Variants in FBXO47 observed in about 807,000 individuals in gnomAD.
FBXO47 encodes the protein F-box only protein 47.
In FBXO47, 34 loss-of-function variants were observed where a neutral mutation model predicts 53.9. The ratio of observed to expected loss-of-function variants is 0.63; its 90% CI spans 0.48 to 0.84. The LOEUF is 0.84. FBXO47 is among the 40% of genes least tolerant of loss of function. The pLI is 0.00. For missense variants in FBXO47, 485 were observed against 541.3 expected (o/e 0.90, Z 1.03); for synonymous variants, 165 against 181.6 (o/e 0.91, Z 0.73).
In FBXO47 at chr17:38,942,773, C is replaced by T; in HGVS notation, c.1083+5G>A. On this transcript the variant is annotated splice_donor_5th_base_variant and intron_variant, in intron 9 of 10. Coordinates refer to ENST00000378079, the MANE Select transcript of FBXO47 (RefSeq NM_001008777.3). ...CTTGCTAGAGAAAAACTTATTTTTACTTACCAAAGCCAAAAAGACTACGAG... is the reference window on the plus strand; with the variant it reads ...CTTGCTAGAGAAAAACTTATTTTTATTTACCAAAGCCAAAAAGACTACGAG... The T allele has an allele frequency of 1.2e-6, 2 of 1,600,276 alleles. No individual in the cohort carries two copies. The highest frequency in any genetic ancestry group is 2.3e-5 in the South Asian group (2 of 88,268).
At chr17:38,957,918 C>T (rs1189508056) in intron 3 of FBXO47, among the ~76,000 whole-genome samples, 1 of 152,028 alleles carries the variant, frequency 6.6e-6, no homozygotes, top group African/African-American at 2.4e-5. Flanking sequence ...ACTGCAACCT[C>T]CACCTCCCAG....
At chr17:38,950,237 C>T (rs2143930951) in intron 6 of FBXO47, among the ~76,000 whole-genome samples, 1 of 152,028 alleles carries the variant, frequency 6.6e-6, no homozygotes, top group African/African-American at 2.4e-5. Context: ...TGAATTTGCC[C>T]GTTCTAGGTA....
At chr17:38,946,833 AAT>A (rs375802551) in intron 6 of FBXO47, among the ~76,000 whole-genome samples, 5 of 108,024 alleles carry the variant, frequency 4.6e-5, no homozygotes, top group Non-Finnish European at 5.1e-5. Flanking sequence ...TAAATATATA[AAT>A]ATATATAAAC....
At chr17:38,957,371 GAT>G (rs1354074850) in intron 3 of FBXO47, 118 bp from the exon 4 acceptor site, 5 of 640,460 alleles carry the variant, frequency 7.8e-6, no homozygotes, top group Non-Finnish European at 1.1e-5. Context: ...ACTATGAGTT[GAT>G]ATGATTTCTA....
chr17:38,948,789 T>A (rs1324621448), intron 6 of FBXO47, among the ~76,000 whole-genome samples: 5 of 152,096 alleles, frequency 3.3e-5, no homozygotes, highest in Non-Finnish European at 7.3e-5. Flanking sequence ...AGTTCTGGGA[T>A]ACATGGGCAG....
rs139105548 is a variant in FBXO47 at position 38,952,815 on chromosome 17, C to CTTTTTTTTTTTTTTTTTTTTTTTTT, written c.508-1127_508-1126insAAAAAAAAAAAAAAAAAAAAAAAAA. Among the ~76,000 whole-genome samples, 3 of 115,350 alleles carry CTTTTTTTTTTTTTTTTTTTTTTTTT rather than the reference C, an allele frequency of 2.6e-5. No individual in the cohort carries two copies. The East Asian group carries it at 8.5e-4, about 33-fold the overall frequency. 75.7% of individuals were successfully genotyped at this position (115,350 alleles called of 152,430 possible). A position where few individuals can be genotyped will look rare whatever the true frequency, so the allele number is the denominator to read the frequency against. On this transcript the variant is annotated intron_variant, in intron 5 of 10. Coordinates refer to ENST00000378079, the MANE Select transcript of FBXO47 (RefSeq NM_001008777.3). ...GACAATTCTGAGCATTTATTTATGA[C>CTTTTTTTTTTTTTTTTTTTTTTTTT]TTTTTTTTTTTTTTTTTTTGTAGAG...
Position 38,963,044 on chromosome 17 carries a change from A to G in FBXO47, c.-19T>C, listed in dbSNP as rs368385279. 9 of 1,585,050 alleles carry G rather than the reference A, an allele frequency of 5.7e-6. No homozygotes were observed. Among genetic ancestry groups the G allele is most frequent in the African/African-American group, 2.7e-5 (2 of 73,952 alleles). On this transcript the variant is annotated 5_prime_UTR_variant, in exon 2 of 11. Coordinates refer to ENST00000378079, the MANE Select transcript of FBXO47 (RefSeq NM_001008777.3). Reference sequence around the variant, plus strand: ...ATGCCATTCTTCTTCTTGTCTCACAAATTTATCCTGGTCAGAAAAACAAAG... The same window carrying G: ...ATGCCATTCTTCTTCTTGTCTCACAGATTTATCCTGGTCAGAAAAACAAAG...
chr17:38,960,624 C>A (rs961976604), intron 3 of FBXO47, among the ~76,000 whole-genome samples: 2 of 147,088 alleles, frequency 1.4e-5, no homozygotes, highest in Non-Finnish European at 3.0e-5. Flanking sequence ...AAAAATAATT[C>A]TTTCTCTTTT....
rs139105548 is a variant in FBXO47 at position 38,952,815 on chromosome 17, C to CTTTTTTTTTTTTTTTTTT, written c.508-1144_508-1127dup. ...GACAATTCTGAGCATTTATTTATGA[C>CTTTTTTTTTTTTTTTTTT]TTTTTTTTTTTTTTTTTTTGTAGAG... On this transcript the variant is annotated intron_variant, in intron 5 of 10. Transcript: ENST00000378079. Among the ~76,000 whole-genome samples, 8 of 115,354 alleles carry CTTTTTTTTTTTTTTTTTT rather than the reference C, an allele frequency of 6.9e-5. No individual in the cohort carries two copies. The East Asian group carries it at 1.7e-3, about 24-fold the overall frequency. The allele number at this position is 115,354 out of a possible 152,430, so 75.7% of individuals were successfully genotyped here. A position where few individuals can be genotyped will look rare whatever the true frequency, so the allele number is the denominator to read the frequency against.
At chr17:38,964,756 A>G (rs1906008979) in intron 1 of FBXO47, among the ~76,000 whole-genome samples, 2 of 152,194 alleles carry the variant, frequency 1.3e-5, no homozygotes, top group African/African-American at 2.4e-5. Context: ...TTTCAAAGAC[A>G]AATATTTCTT....
At chr17:38,948,774 C>G (rs1300808755) in intron 6 of FBXO47, among the ~76,000 whole-genome samples, 1 of 151,922 alleles carries the variant, frequency 6.6e-6, no homozygotes, top group African/African-American at 2.4e-5. Flanking sequence ...TTTTATTATA[C>G]TTTAAGTTCT....
At chr17:38,946,463 TATGAATATATATA>T in intron 6 of FBXO47, among the ~76,000 whole-genome samples, 4 of 94,940 alleles carry the variant, frequency 4.2e-5, no homozygotes, top group African/African-American at 1.4e-4. Context: ...TATAAATATA[TATGAATATATATA>T]ACTATATAAA....
At chr17:38,964,865 T>C (rs1463608754) in intron 1 of FBXO47, among the ~76,000 whole-genome samples, 1 of 151,980 alleles carries the variant, frequency 6.6e-6, no homozygotes, top group Non-Finnish European at 1.5e-5. Context: ...CGGGCTGGAG[T>C]GCAGTGGCAT....
intron 1 of FBXO47, among the ~76,000 whole-genome samples, chr17:38,964,257 T>C (rs1905973822): frequency 6.6e-6 from 1 of 151,372 alleles, no homozygotes; most frequent in Admixed American, 6.6e-5. Context: ...GTCAGGAGTT[T>C]GAGACCAGCC....
intron 6 of FBXO47, among the ~76,000 whole-genome samples, chr17:38,947,684 T>C (rs1011535974): frequency 6.6e-6 from 1 of 151,634 alleles, no homozygotes; most frequent in African/African-American, 2.4e-5. Context: ...TTGAGGCGGG[T>C]GGATCATGAG....
In FBXO47 at chr17:38,944,962, T is replaced by C; in HGVS notation, c.791A>G (p.Asp264Gly). 1 of 1,613,310 alleles carries C rather than the reference T, an allele frequency of 6.2e-7. No individual in the cohort carries two copies. The change falls in exon 7 of 11, where the codon GAT (aspartate) becomes GGT (glycine). Residue 264 changes from aspartate (D) to glycine (G), a missense_variant and splice_region_variant. Asp to Gly is a moderately conservative substitution (Grantham distance 94). Coordinates refer to ENST00000378079, the MANE Select transcript of FBXO47 (RefSeq NM_001008777.3). The part of the protein sequence containing the change: ...YIIFGPISPQ[D>G]GQVVWQEMIE... ...AACCCTGAAAGATGGGTGCTCACCA[T>C]CTTGAGGAGATATTGGCCCAAAGAT...
At chr17:38,938,011 T>C (rs1307535552) in intron 10 of FBXO47, among the ~76,000 whole-genome samples, 1 of 152,194 alleles carries the variant, frequency 6.6e-6, no homozygotes, top group Non-Finnish European at 1.5e-5. Context: ...TTAGTGACTT[T>C]ACTAAGTCAA....
At chr17:38,956,915 CT>C (rs1225563774) in intron 4 of FBXO47, among the ~76,000 whole-genome samples, 1 of 152,100 alleles carries the variant, frequency 6.6e-6, no homozygotes, top group Non-Finnish European at 1.5e-5. Flanking sequence ...GTAAAATATA[CT>C]TTATACTCTG....
intron 6 of FBXO47, among the ~76,000 whole-genome samples, chr17:38,946,988 A>G (rs1368442069): frequency 1.5e-5 from 2 of 137,120 alleles, no homozygotes; most frequent in African/African-American, 5.4e-5. Context: ...GTAAATATAT[A>G]TAAACATATA....
Sources: allele counts gnomAD v4.1 joint callset (sites outside exome capture counted in the v4.1 genomes callset), GRCh38; gene constraint gnomAD v4.1.1; transcripts MANE v1.5; gene names NCBI Gene and HGNC (gene_info 2026-07-23, HGNC 2026-07-21).